Variants in SLC41A2 observed in about 807,000 individuals in gnomAD.
SLC41A2 encodes the protein solute carrier family 41 member 2, also known as SLC41A1-like 1.
SLC41A2 carries 32 observed loss-of-function variants against 58.3 expected under a neutral mutation model. The observed-to-expected ratio is 0.55, with a 90% CI of 0.41 to 0.74. SLC41A2 has a LOEUF of 0.74. SLC41A2 is among the 30% of genes least tolerant of loss of function. The pLI is 0.00. For synonymous variants in SLC41A2, 190 were observed against 235.0 expected, an observed-to-expected ratio of 0.81 and a Z score of 1.75; for missense variants, 514 against 680.6, an observed-to-expected ratio of 0.76 and a Z score of 2.72.
At chr12:104,855,157 A>G (rs1307295504) in intron 8 of SLC41A2, among the ~76,000 whole-genome samples, 1 of 152,198 alleles carries the variant, frequency 6.6e-6, no homozygotes, top group Non-Finnish European at 1.5e-5. Context: ...ATTGTCAATT[A>G]ATTAATATGA....
intron 10 of SLC41A2, 135 bp from the exon 11 acceptor site, chr12:104,805,472 A>C: frequency 1.7e-6 from 1 of 593,390 alleles, no homozygotes; most frequent in Non-Finnish European, 2.8e-6. Context: ...GAAAATAAGA[A>C]ATACTTAGAT....
intron 5 of SLC41A2, among the ~76,000 whole-genome samples, chr12:104,887,690 T>A (rs1322364124): frequency 6.6e-6 from 1 of 152,012 alleles, no homozygotes; most frequent in Non-Finnish European, 1.5e-5. Context: ...ACCATCTATA[T>A]CTTTTCAACT....
intron 3 of SLC41A2, among the ~76,000 whole-genome samples, chr12:104,897,309 C>T (rs1341074034): frequency 6.6e-6 from 1 of 151,962 alleles, no homozygotes; most frequent in African/African-American, 2.4e-5. Flanking sequence ...CCATGCCCAG[C>T]TAATCTGTGT....
chr12:104,901,042 G>A (rs1003342482), intron 3 of SLC41A2, among the ~76,000 whole-genome samples: 36 of 152,184 alleles, frequency 2.4e-4, no homozygotes, highest in African/African-American at 8.4e-4. Flanking sequence ...ATTAATGAAT[G>A]AGAAAGGTAG....
At chr12:104,936,892 T>G (rs748516434) in intron 1 of SLC41A2, among the ~76,000 whole-genome samples, 1 of 152,234 alleles carries the variant, frequency 6.6e-6, no homozygotes, top group Admixed American at 6.5e-5. Flanking sequence ...AATGTGTGTG[T>G]GTTTTAAGCT....
intron 10 of SLC41A2, among the ~76,000 whole-genome samples, chr12:104,806,054 T>C (rs1007250850): frequency 6.6e-6 from 1 of 151,988 alleles, no homozygotes; most frequent in African/African-American, 2.4e-5. Flanking sequence ...TTTCTTTATT[T>C]ATTTATTTTT....
chr12:104,883,402 G>A (rs891615120), intron 6 of SLC41A2, among the ~76,000 whole-genome samples: 3 of 152,088 alleles, frequency 2.0e-5, no homozygotes, highest in Non-Finnish European at 4.4e-5. Context: ...AGAGGCGTTC[G>A]GTTTTTAGAA....
rs1555202624 is a variant in SLC41A2, at chr12:104,854,574, A to AAC, written c.1255+6716_1255+6717insGT. ...CCAGACTCCGTCTCAAAAAAACAAA[A>AAC]AAAAAAAAACACCGCCTTAGATCAG... On this transcript the variant is annotated intron_variant, in intron 8 of 10. Transcript: ENST00000258538. Among the ~76,000 whole-genome samples the AAC allele has an allele frequency of 4.1e-3, 576 of 141,590 alleles. 3 individuals are homozygous for AAC. The highest frequency in any genetic ancestry group is 0.027 in the Middle Eastern group (7 of 262). The allele number at this position is 141,590 out of a possible 152,430, so 92.9% of individuals were successfully genotyped here.
intron 10 of SLC41A2, among the ~76,000 whole-genome samples, chr12:104,811,196 A>AGAG (rs1033176819): frequency 1.3e-5 from 2 of 152,204 alleles, no homozygotes; most frequent in Non-Finnish European, 2.9e-5. Context: ...GAAACCATAC[A>AGAG]GAGAAATTCT....
intron 1 of SLC41A2, among the ~76,000 whole-genome samples, chr12:104,937,202 G>GTAGCC: frequency 6.6e-6 from 1 of 152,306 alleles, no homozygotes; most frequent in East Asian, 1.9e-4. Flanking sequence ...TACATTTTGT[G>GTAGCC]TAGCCTAAGT....
chr12:104,860,823 C>T (rs1371173717), intron 8 of SLC41A2, among the ~76,000 whole-genome samples: 3 of 152,102 alleles, frequency 2.0e-5, no homozygotes, highest in Non-Finnish European at 4.4e-5. Flanking sequence ...GACCCTCCTA[C>T]CTAGGCCTCC....
At chr12:104,844,667 TTAA>T (rs1184101083) in intron 9 of SLC41A2, 47 bp from the exon 10 acceptor site, 10 of 1,097,468 alleles carry the variant, frequency 9.1e-6, no homozygotes, top group South Asian at 2.5e-5. Context: ...TATATTTTGG[TTAA>T]TAATAGGTCA....
chr12:104,896,876 G>C (rs1034829396), intron 3 of SLC41A2, among the ~76,000 whole-genome samples: 1 of 152,160 alleles, frequency 6.6e-6, no homozygotes, highest in African/African-American at 2.4e-5. Context: ...ATAAGATTTG[G>C]AAGTCACCAG....
In SLC41A2 at chr12:104,866,661, C is replaced by T. The variant is rs984569721; in HGVS notation, c.1028-82G>A. 8 of 1,186,060 alleles carry T rather than the reference C, an allele frequency of 6.7e-6. No individual in the cohort carries two copies. The African/African-American group carries it at 1.1e-4, about 16-fold the overall frequency. 73.5% of individuals were successfully genotyped at this position (1,186,060 alleles called of 1,614,324 possible). On this transcript the variant is annotated intron_variant, in intron 6 of 10. Coordinates refer to ENST00000258538, the MANE Select transcript of SLC41A2 (RefSeq NM_001352171.3). ...AGCAGATCTAAATTATCAAAGTTTA[C>T]TAGAAGGTACGACACTATCAAACAT...
chr12:104,852,090 T>G (rs1248897223), intron 8 of SLC41A2, among the ~76,000 whole-genome samples: 2 of 152,178 alleles, frequency 1.3e-5, no homozygotes, highest in Non-Finnish European at 2.9e-5. Flanking sequence ...ATGCAAGCAT[T>G]TTCACAAAAA....
chr12:104,802,271 T>C lies in SLC41A2; in HGVS notation c.*2881A>G, dbSNP rs533871187. On this transcript the variant is annotated 3_prime_UTR_variant, in exon 11 of 11. Transcript: ENST00000258538. The stretch of plus-strand genomic sequence containing the variant: ...GATAAATTAGTGAAAAGGAAGAAGT[T>C]TGGAAAGCAGAAGTTTTTATGTTGT... 6.6e-6 allele frequency among the ~76,000 whole-genome samples: 1 copy of C among 152,286 alleles called. No homozygotes were observed. Among genetic ancestry groups the C allele is most frequent in the South Asian group, 2.1e-4 (1 of 4,822 alleles).
intron 8 of SLC41A2, among the ~76,000 whole-genome samples, chr12:104,848,800 G>A (rs1346007084): frequency 6.6e-6 from 1 of 151,610 alleles, no homozygotes; most frequent in Non-Finnish European, 1.5e-5. Context: ...TAATATAATT[G>A]GATGAATAAA....
At chr12:104,956,513 T>C (rs2048173780) in intron 1 of SLC41A2, among the ~76,000 whole-genome samples, 1 of 152,120 alleles carries the variant, frequency 6.6e-6, no homozygotes, top group Non-Finnish European at 1.5e-5. Flanking sequence ...ACCACGTCTC[T>C]ACTAAAAATA....
intron 3 of SLC41A2, among the ~76,000 whole-genome samples, chr12:104,904,887 T>G (rs537948402): frequency 6.6e-6 from 1 of 152,082 alleles, no homozygotes; most frequent in African/African-American, 2.4e-5. Flanking sequence ...CAAGATTTAT[T>G]GCAAAGAACA....
Sources: allele counts gnomAD v4.1 joint callset (sites outside exome capture counted in the v4.1 genomes callset), GRCh38; gene constraint gnomAD v4.1.1; transcripts MANE v1.5; gene names NCBI Gene and HGNC (gene_info 2026-07-23, HGNC 2026-07-21).